Variants in GPRIN3 observed in about 807,000 individuals in gnomAD.
The protein encoded by GPRIN3 is G protein-regulated inducer of neurite outgrowth 3.
A neutral mutation model predicts 13.7 loss-of-function variants in GPRIN3; 12 were observed. The ratio of observed to expected loss-of-function variants is 0.87; its 90% CI spans 0.56 to 1.42. The LOEUF is 1.42. Among genes scored for constraint, GPRIN3 ranks in the 40% most tolerant of loss-of-function variants. GPRIN3 has a pLI of 0.00. For missense variants in GPRIN3, 1,009 were observed against 958.7 expected (o/e 1.05, Z -0.69); for synonymous variants, 377 against 372.7 (o/e 1.01, Z -0.13).
At chr4:89,265,436 AAATAC>A (rs1723756345) in intron 1 of GPRIN3, among the ~76,000 whole-genome samples, 1 of 152,210 alleles carries the variant, frequency 6.6e-6, no homozygotes, top group African/African-American at 2.4e-5. Context: ...ATGTAATAAT[AAATAC>A]ATTTACAGAA....
chr4:89,254,128 G>GGTGTGTGTGTGTGTGT (rs57642647), intron 1 of GPRIN3, among the ~76,000 whole-genome samples: 22,416 of 147,522 alleles, frequency 0.15, 1,757 homozygotes, highest in South Asian at 0.2. Flanking sequence ...GTTGCATCTG[G>GGTGTGTGTGTGTGTGT]GTGTGTGTGT....
At chr4:89,272,289 A>T (rs1723975598) in intron 1 of GPRIN3, among the ~76,000 whole-genome samples, 1 of 152,138 alleles carries the variant, frequency 6.6e-6, no homozygotes, top group African/African-American at 2.4e-5. Flanking sequence ...AGGAAAATTG[A>T]GTGGAAAGTG....
At chr4:89,264,830 C>T (rs1723739792) in intron 1 of GPRIN3, among the ~76,000 whole-genome samples, 1 of 152,144 alleles carries the variant, frequency 6.6e-6, no homozygotes, top group South Asian at 2.1e-4. Context: ...ACATTAATCA[C>T]CTAAAATACC....
rs1405172369 is a variant in GPRIN3 at position 89,239,036 on chromosome 4, A to G, written c.*8744T>C. The G allele has an allele frequency of 6.6e-6, 1 of 152,212 alleles. No individual in the cohort carries two copies. The highest frequency in any genetic ancestry group is 2.4e-5 in the African/African-American group (1 of 41,452). 9.4% of individuals were successfully genotyped at this position (152,212 alleles called of 1,614,324 possible). A position where few individuals can be genotyped will look rare whatever the true frequency, so the allele number is the denominator to read the frequency against. On this transcript the variant is annotated 3_prime_UTR_variant, in exon 2 of 2. Coordinates refer to ENST00000609438, the MANE Select transcript of GPRIN3 (RefSeq NM_198281.3). ...CCAAAATCTTACTTCATCTTTGTAT[A>G]AATTATAACATTTCTTCTTTTTTCT... is the stretch of plus-strand genomic sequence containing the variant.
At chr4:89,282,132 G>A (rs1724270130) in intron 1 of GPRIN3, among the ~76,000 whole-genome samples, 1 of 151,960 alleles carries the variant, frequency 6.6e-6, no homozygotes, top group African/African-American at 2.4e-5. Context: ...CGTGTATAAT[G>A]CATTGCCAAC....
chr4:89,286,919 A>T (rs1373294914), intron 1 of GPRIN3, among the ~76,000 whole-genome samples: 1 of 152,166 alleles, frequency 6.6e-6, no homozygotes, highest in East Asian at 1.9e-4. Context: ...TGAGCCCAGG[A>T]GTTTGAGGCT....
In GPRIN3 at chr4:89,249,734, A is replaced by C; in HGVS notation, c.377T>G (p.Leu126Trp). 3.7e-6 allele frequency: 6 copies of C among 1,614,078 alleles called. No individual in the cohort carries two copies. Among genetic ancestry groups the C allele is most frequent in the Non-Finnish European group, 5.1e-6 (6 of 1,180,004 alleles). Residue 126 changes from leucine to tryptophan, a missense_variant, in exon 2 of 2, where the codon TTG becomes TGG. By Grantham distance (61) the Leu-to-Trp change is moderately conservative. Coordinates refer to ENST00000609438, the MANE Select transcript of GPRIN3 (RefSeq NM_198281.3). Reference protein sequence around the residue: ...AAGRDLIHTPLTMPANQHTCQ... With the variant: ...AAGRDLIHTPWTMPANQHTCQ... The stretch of plus-strand genomic sequence containing the variant: ...GGTGTGCTGATTGGCGGGCATTGTC[A>C]ATGGTGTGTGTATAAGATCCCTTCC...
At chr4:89,271,102 G>C (rs1172078219) in intron 1 of GPRIN3, among the ~76,000 whole-genome samples, 1 of 152,088 alleles carries the variant, frequency 6.6e-6, no homozygotes, top group Non-Finnish European at 1.5e-5. Context: ...AACATATTTT[G>C]TTGAATGTTA....
Position 89,249,149 on chromosome 4 carries a change from T to A in GPRIN3, c.962A>T (p.Glu321Val). The A allele has an allele frequency of 6.2e-7, 1 of 1,614,216 alleles. No homozygotes were observed. The highest frequency in any genetic ancestry group is 8.5e-7 in the Non-Finnish European group (1 of 1,180,028). ...CTCGACACTCGCCACTGCCTGCACC[T>A]CCGCATCTTGCCAAGCCCTGCTGGG... is the stretch of plus-strand genomic sequence containing the variant. ...EVPSRAWQDA[E>V]VQAVASVESR... Residue 321 changes from glutamate (E) to valine (V), a missense_variant, in exon 2 of 2, where the codon GAG becomes GTG. Transcript: ENST00000609438.
rs183185369 is a variant in GPRIN3, at chr4:89,239,841, T to A, written c.*7939A>T. On this transcript the variant is annotated 3_prime_UTR_variant, in exon 2 of 2. Coordinates refer to ENST00000609438, the MANE Select transcript of GPRIN3 (RefSeq NM_198281.3). ...CATGCCCGGCTAGTTTTTGTATTTT[T>A]AGTAGAGACGGGGTTTTGCCATGTT... 1 of 152,200 alleles carries A rather than the reference T, an allele frequency of 6.6e-6. No individual in the cohort carries two copies. Among genetic ancestry groups the A allele is most frequent in the Non-Finnish European group, 1.5e-5 (1 of 68,086 alleles). 9.4% of individuals were successfully genotyped at this position (152,200 alleles called of 1,614,324 possible).
chr4:89,254,530 T>C (rs1467923050), intron 1 of GPRIN3, among the ~76,000 whole-genome samples: 1 of 152,192 alleles, frequency 6.6e-6, no homozygotes, highest in Non-Finnish European at 1.5e-5. Context: ...TCCAGCTCTA[T>C]CCATGTTTCT....
rs138244083 is a variant in GPRIN3, at chr4:89,246,092, G to C, written c.*1688C>G. ...CGAGTGTAGCTTGTGCTAAGTTCAG[G>C]AATGATTTTTTTTCCTGCATATGTT... On this transcript the variant is annotated 3_prime_UTR_variant, in exon 2 of 2. Transcript: ENST00000609438. The C allele has an allele frequency of 6.6e-6, 1 of 152,142 alleles. No individual in the cohort carries two copies. Among genetic ancestry groups the C allele is most frequent in the African/African-American group, 2.4e-5 (1 of 41,450 alleles). The allele number at this position is 152,142 out of a possible 1,614,324, so 9.4% of individuals were successfully genotyped here.
Position 89,260,027 on chromosome 4 carries a change from G to A in GPRIN3, c.-123-9794C>T, listed in dbSNP as rs72872516. ...TCGCCATGTTGGCCAGGCTGGTCTC[G>A]AACTCCTGACCTCAGGTGATCCACC... On this transcript the variant is annotated intron_variant, in intron 1 of 1. Transcript: ENST00000609438. 9.4e-3 allele frequency among the ~76,000 whole-genome samples: 1,432 copies of A among 152,156 alleles called. 17 individuals are homozygous for A. The highest frequency in any genetic ancestry group is 0.032 in the East Asian group (165 of 5,142).
chr4:89,257,653 TCCACATTGTTAA>T (rs1723504532), intron 1 of GPRIN3, among the ~76,000 whole-genome samples: 1 of 152,192 alleles, frequency 6.6e-6, no homozygotes, highest in Non-Finnish European at 1.5e-5. Flanking sequence ...GGCTCCTGAG[TCCACATTGTTAA>T]CCAGTTTTAC....
Position 89,250,184 on chromosome 4 carries a change from A to G in GPRIN3, c.-74T>C. ...ACTGGTGGGGGAGGGGAGCGCAGTC[A>G]GAGCTCAGAGTGATGACACAGTCAG... On this transcript the variant is annotated 5_prime_UTR_variant, in exon 2 of 2. Coordinates refer to ENST00000609438, the MANE Select transcript of GPRIN3 (RefSeq NM_198281.3). The G allele has an allele frequency of 1.3e-6, 2 of 1,530,834 alleles. No individual in the cohort carries two copies. The highest frequency in any genetic ancestry group is 1.8e-6 in the Non-Finnish European group (2 of 1,139,924). The allele number at this position is 1,530,834 out of a possible 1,614,324, so 94.8% of individuals were successfully genotyped here.
intron 1 of GPRIN3, among the ~76,000 whole-genome samples, chr4:89,262,154 T>C (rs923835627): frequency 4.7e-5 from 7 of 149,028 alleles, no homozygotes; most frequent in Non-Finnish European, 7.4e-5. Flanking sequence ...AGAATTGATA[T>C]GGAATAATCT....
intron 1 of GPRIN3, among the ~76,000 whole-genome samples, chr4:89,297,906 T>G (rs1288556676): frequency 1.3e-5 from 2 of 152,156 alleles, no homozygotes; most frequent in African/African-American, 4.8e-5. Context: ...TAAAATACAC[T>G]TGTGTATCAC....
At chr4:89,253,469 T>C (rs1262965365) in intron 1 of GPRIN3, among the ~76,000 whole-genome samples, 1 of 152,168 alleles carries the variant, frequency 6.6e-6, no homozygotes, top group African/African-American at 2.4e-5. Context: ...GAAGGTCTCA[T>C]AAAGCCAGGA....
chr4:89,306,522 AAC>A (rs1725037585), intron 1 of GPRIN3, among the ~76,000 whole-genome samples: 1 of 152,152 alleles, frequency 6.6e-6, no homozygotes, highest in Non-Finnish European at 1.5e-5. Flanking sequence ...ACAAAATAAA[AAC>A]ATAGTCCAAT....
Sources: gnomAD v4.1 joint callset for allele counts (sites outside exome capture counted in the v4.1 genomes callset) on GRCh38, gnomAD v4.1.1 for gene constraint, MANE v1.5 for transcripts, NCBI Gene and HGNC (gene_info 2026-07-23, HGNC 2026-07-21) for gene names.